The following FUT8 variants were observed in gnomAD, a reference collection of about 807,000 sequenced individuals.
FUT8 encodes alpha-(1,6)-fucosyltransferase.
A neutral mutation model predicts 71.3 loss-of-function variants in FUT8; 29 were observed. The observed-to-expected ratio is 0.41, with a 90% CI of 0.30 to 0.55. The LOEUF is 0.55. Ranked by LOEUF, FUT8 falls within the 20% of genes least tolerant of loss-of-function variation. The pLI, the probability that FUT8 is intolerant of heterozygous loss-of-function variation, is 0.34. For missense variants in FUT8, 544 were observed against 702.1 expected, an observed-to-expected ratio of 0.77 and a Z score of 2.55; for synonymous variants, 254 against 239.3, an observed-to-expected ratio of 1.06 and a Z score of -0.57.
upstream of FUT8, chr14:65,412,200 T>C (rs1421553681): frequency 2.2e-6 from 1 of 456,720 alleles, no homozygotes; most frequent in Admixed American, 2.3e-5. Context: ...TCGCTGAGTC[T>C]CCTGGGGGAG....
chr14:65,694,336 G>T (rs555773319), intron 7 of FUT8, among the ~76,000 whole-genome samples: 1 of 151,978 alleles, frequency 6.6e-6, no homozygotes, highest in Non-Finnish European at 1.5e-5. Flanking sequence ...CTTTTGCAGC[G>T]TTCCACAAAT....
chr14:65,421,194 G>GAAAAAAAAAAAAA (rs61617981), intron 1 of FUT8, among the ~76,000 whole-genome samples: 3 of 94,848 alleles, frequency 3.2e-5, no homozygotes, highest in Non-Finnish European at 4.2e-5. Flanking sequence ...TCCATCTCAG[G>GAAAAAAAAAAAAA]AAAAAAAAAA....
chr14:65,742,394 C>T lies in FUT8; in HGVS notation c.1712C>T (p.Pro571Leu). Reference protein sequence around the residue: ...KIETVKYPTYPEAEK With the variant: ...KIETVKYPTYLEAEK ...GAAACGGTCAAGTACCCCACATATC[C>T]TGAGGCTGAGAAATAAAGCTCAGAT... Residue 571 changes from proline to leucine, a missense_variant, in exon 11 of 11, where the codon CCT (proline) becomes CTT (leucine). Physicochemically the swap from Pro to Leu is moderately conservative, Grantham distance 98. Coordinates refer to ENST00000673929, the MANE Select transcript of FUT8 (RefSeq NM_001371533.1). 6.2e-7 allele frequency: 1 copy of T among 1,610,912 alleles called. No individual in the cohort carries two copies. Among genetic ancestry groups the T allele is most frequent in the Non-Finnish European group, 8.5e-7 (1 of 1,177,978 alleles).
In FUT8 at chr14:65,742,525, G is replaced by A. The variant is rs149913922; in HGVS notation, c.*115G>A. ...GATCTAACAAAATAAGGTTATATGA[G>A]TAGATACTCTCAGCACCAAGAGCAG... On this transcript the variant is annotated 3_prime_UTR_variant, in exon 11 of 11. Transcript: ENST00000673929. The A allele has an allele frequency of 2.4e-3, 2,035 of 833,262 alleles. 5 individuals are homozygous for A. The highest frequency in any genetic ancestry group is 3.3e-3 in the Non-Finnish European group (1,774 of 542,402). 51.6% of individuals were successfully genotyped at this position (833,262 alleles called of 1,614,324 possible).
intron 6 of FUT8, among the ~76,000 whole-genome samples, chr14:65,642,614 A>G (rs1890894473): frequency 6.6e-6 from 1 of 151,902 alleles, no homozygotes; most frequent in South Asian, 2.1e-4. Flanking sequence ...AAAAAAAAAA[A>G]AAAAAAAAAA....
chr14:65,695,920 G>T (rs12588838), intron 7 of FUT8, among the ~76,000 whole-genome samples: 53,553 of 151,590 alleles, frequency 0.35, 11,770 homozygotes, highest in Non-Finnish European at 0.5. Context: ...TCTTCTAGTG[G>T]TTGCCCCAGA....
intron 9 of FUT8, among the ~76,000 whole-genome samples, chr14:65,726,053 A>C (rs1008312533): frequency 7.2e-5 from 11 of 152,328 alleles, no homozygotes; most frequent in African/African-American, 2.6e-4. Context: ...TATATAAACA[A>C]AGGGCAAATA....
intron 3 of FUT8, among the ~76,000 whole-genome samples, chr14:65,602,543 G>A (rs763481989): frequency 1.1e-4 from 17 of 151,196 alleles, no homozygotes; most frequent in Non-Finnish European, 1.5e-4. Context: ...ACCAGTAGTG[G>A]GATTGCTGGA....
chr14:65,551,153 G>A (rs1885260297), intron 2 of FUT8, among the ~76,000 whole-genome samples: 2 of 152,106 alleles, frequency 1.3e-5, no homozygotes. Context: ...AACAGGCCAG[G>A]CTTTTATCTT....
At chr14:65,372,122 T>A in the FUT8 span, among the ~76,000 whole-genome samples, 1 of 152,166 alleles carries the variant, frequency 6.6e-6, no homozygotes, top group African/African-American at 2.4e-5. Flanking sequence ...ATTTGATCAA[T>A]CCCCCATGTG....
intron 2 of FUT8, among the ~76,000 whole-genome samples, chr14:65,476,997 A>C (rs2066256370): frequency 1.3e-5 from 2 of 152,238 alleles, no homozygotes; most frequent in South Asian, 4.1e-4. Context: ...TTTATTCCAA[A>C]TGTAAGTCAA....
intron 2 of FUT8, among the ~76,000 whole-genome samples, chr14:65,456,649 C>T (rs12883815): frequency 0.35 from 52,676 of 151,532 alleles, 11,411 homozygotes; most frequent in Non-Finnish European, 0.49. Flanking sequence ...CTGAGGCGGG[C>T]GGATCATGAG....
At chr14:65,474,463 G>A in intron 2 of FUT8, among the ~76,000 whole-genome samples, 1 of 39,050 alleles carries the variant, frequency 2.6e-5, no homozygotes, top group Non-Finnish European at 5.3e-5. Context: ...AAAAAGCCAG[G>A]CGTGCTGGCT....
At chr14:65,690,746 CAA>C (rs1893538346) in intron 7 of FUT8, among the ~76,000 whole-genome samples, 1 of 141,228 alleles carries the variant, frequency 7.1e-6, no homozygotes, top group Non-Finnish European at 1.5e-5. Flanking sequence ...TTTTTTGAAA[CAA>C]GAGTCTCGCT....
rs1260803661 is a variant in FUT8, at chr14:65,655,668, AAGG to A, written c.598-13572_598-13570del. Among the ~76,000 whole-genome samples the A allele has an allele frequency of 2.0e-5, 3 of 152,294 alleles. No individual in the cohort carries two copies. The East Asian group carries it at 5.8e-4, about 29-fold the overall frequency. On this transcript the variant is annotated intron_variant, in intron 6 of 10. Transcript: ENST00000673929. The stretch of plus-strand genomic sequence containing the variant: ...ATGAAGCAGAAACTGGCAGAACTGA[AAGG>A]AGAACAGACAAATATAGTTGGAGAC...
At chr14:65,642,837 T>C (rs1171364665) in intron 6 of FUT8, among the ~76,000 whole-genome samples, 1 of 152,196 alleles carries the variant, frequency 6.6e-6, no homozygotes, top group Non-Finnish European at 1.5e-5. Context: ...ACAATTGATT[T>C]TTTATATATT....
chr14:65,555,359 A>G (rs1054208631), intron 2 of FUT8, among the ~76,000 whole-genome samples: 1 of 151,976 alleles, frequency 6.6e-6, no homozygotes, highest in Non-Finnish European at 1.5e-5. Context: ...AATCTTTGAG[A>G]TGTGTTCAGC....
In FUT8 at chr14:65,659,194, G is replaced by T. The variant is rs542584847; in HGVS notation, c.598-10049G>T. On this transcript the variant is annotated intron_variant, in intron 6 of 10. Coordinates refer to ENST00000673929, the MANE Select transcript of FUT8 (RefSeq NM_001371533.1). The stretch of plus-strand genomic sequence containing the variant: ...TGAGGTGTTTTTTGTTTTTTGTTTT[G>T]TTTTTTTTTCATTAAAAAAACAATA... Among the ~76,000 whole-genome samples the T allele has an allele frequency of 3.2e-3, 483 of 149,564 alleles. 6 individuals are homozygous for T. In the Middle Eastern group the frequency reaches 0.035, roughly 11 times the overall value.
intron 3 of FUT8, among the ~76,000 whole-genome samples, chr14:65,565,477 A>T (rs1886145971): frequency 6.6e-6 from 1 of 151,832 alleles, no homozygotes; most frequent in African/African-American, 2.4e-5. Context: ...CCTTTGTTTC[A>T]TAAACTTTTG....
Sources: allele counts gnomAD v4.1 joint callset (sites outside exome capture counted in the v4.1 genomes callset), GRCh38; gene constraint gnomAD v4.1.1; transcripts MANE v1.5; gene names NCBI Gene and HGNC (gene_info 2026-07-23, HGNC 2026-07-21).